Variants in GALNTL6 observed in about 807,000 individuals in gnomAD.
GALNTL6 encodes polypeptide N-acetylgalactosaminyltransferase like 6, also known as polypeptide N-acetylgalactosaminyltransferase-like 6.
A neutral mutation model predicts 73.7 loss-of-function variants in GALNTL6; 46 were observed. The observed-to-expected ratio is 0.62, with a 90% CI of 0.49 to 0.80. GALNTL6 has a LOEUF of 0.80. GALNTL6 is among the 30% of genes least tolerant of loss of function. GALNTL6 has a pLI of 0.00. For synonymous variants in GALNTL6, 259 were observed against 263.7 expected, an observed-to-expected ratio of 0.98 and a Z score of 0.17; for missense variants, 604 against 755.0, an observed-to-expected ratio of 0.80 and a Z score of 2.34.
intron 3 of GALNTL6, among the ~76,000 whole-genome samples, chr4:172,249,850 GT>G (rs1364590044): frequency 6.6e-6 from 1 of 152,216 alleles, no homozygotes; most frequent in African/African-American, 2.4e-5. Context: ...CCAGGCAGAA[GT>G]TTGCAGCATG....
At chr4:172,385,827 T>C (rs1743445971) in intron 5 of GALNTL6, among the ~76,000 whole-genome samples, 1 of 152,000 alleles carries the variant, frequency 6.6e-6, no homozygotes, top group Non-Finnish European at 1.5e-5. Flanking sequence ...TTCTTTGTTC[T>C]TCTATTCTTC....
chr4:172,177,813 G>GTGTGTGTATATATACACACACATATA (rs1735086041), intron 2 of GALNTL6, among the ~76,000 whole-genome samples: 1 of 121,038 alleles, frequency 8.3e-6, no homozygotes, highest in East Asian at 2.2e-4. Context: ...ACACATATAT[G>GTGTGTGTATATATACACACACATATA]TGTGTGTATA....
intron 5 of GALNTL6, among the ~76,000 whole-genome samples, chr4:172,484,491 C>T (rs1444844576): frequency 6.6e-6 from 1 of 150,832 alleles, no homozygotes; most frequent in Non-Finnish European, 1.5e-5. Flanking sequence ...CTGTTGATTC[C>T]GACTGAAAGC....
At chr4:172,109,013 CAAAAAAAAAAAA>C (rs202017302) in intron 2 of GALNTL6, among the ~76,000 whole-genome samples, 4 of 108,294 alleles carry the variant, frequency 3.7e-5, no homozygotes, top group Admixed American at 2.2e-4. Context: ...ACTCCATCTC[CAAAAAAAAAAAA>C]AAAAAAAAAA....
intron 2 of GALNTL6, among the ~76,000 whole-genome samples, chr4:172,218,555 T>C (rs1736569688): frequency 6.6e-6 from 1 of 152,080 alleles, no homozygotes; most frequent in African/African-American, 2.4e-5. Flanking sequence ...GAGACCTTGG[T>C]TGGGACTCTC....
intron 7 of GALNTL6, among the ~76,000 whole-genome samples, chr4:172,882,394 C>G (rs1745502110): frequency 6.6e-6 from 1 of 152,096 alleles, no homozygotes; most frequent in South Asian, 2.1e-4. Context: ...ATTTTCAATA[C>G]TTTTATATGT....
chr4:172,878,773 T>C (rs1226568815), intron 7 of GALNTL6, among the ~76,000 whole-genome samples: 1 of 151,754 alleles, frequency 6.6e-6, no homozygotes, highest in Non-Finnish European at 1.5e-5. Context: ...GATTTCAACC[T>C]AAACACATGA....
intron 5 of GALNTL6, among the ~76,000 whole-genome samples, chr4:172,425,946 A>G (rs1042033768): frequency 2.0e-5 from 3 of 152,128 alleles, no homozygotes; most frequent in African/African-American, 7.2e-5. Flanking sequence ...ATTTGAAAAT[A>G]AAGTAGCATG....
chr4:172,341,830 G>C (rs1158407844), intron 4 of GALNTL6, among the ~76,000 whole-genome samples: 1 of 152,132 alleles, frequency 6.6e-6, no homozygotes, highest in Non-Finnish European at 1.5e-5. Flanking sequence ...TCTCGGGTAT[G>C]TCTTTATCAG....
At chr4:172,102,986 A>G (rs1732562891) in intron 2 of GALNTL6, among the ~76,000 whole-genome samples, 1 of 152,200 alleles carries the variant, frequency 6.6e-6, no homozygotes, top group Admixed American at 6.5e-5. Context: ...TCAGCAGAGG[A>G]ACCTGAAGAA....
intron 3 of GALNTL6, among the ~76,000 whole-genome samples, chr4:172,286,147 A>G (rs2111089315): frequency 6.6e-6 from 1 of 152,316 alleles, no homozygotes; most frequent in Admixed American, 6.5e-5. Context: ...ACGTAGTATT[A>G]TTCTAACTAG....
At chr4:172,618,737 T>G (rs965477307) in intron 5 of GALNTL6, among the ~76,000 whole-genome samples, 2 of 152,148 alleles carry the variant, frequency 1.3e-5, no homozygotes, top group Non-Finnish European at 2.9e-5. Flanking sequence ...TTTTGTTTCT[T>G]TTTTTGAGAG....
rs1160540586 is a variant in GALNTL6 at position 172,069,928 on chromosome 4, G to C, written c.139-159728G>C. 1.9e-5 allele frequency among the ~76,000 whole-genome samples: 2 copies of C among 107,854 alleles called. 1 individual carries two copies. Among genetic ancestry groups the C allele is most frequent in the Non-Finnish European group, 4.1e-5 (2 of 49,056 alleles). The allele number at this position is 107,854 out of a possible 152,430, so 70.8% of individuals were successfully genotyped here. A position where few individuals can be genotyped will look rare whatever the true frequency, so the allele number is the denominator to read the frequency against. On this transcript the variant is annotated intron_variant, in intron 2 of 12. Transcript: ENST00000506823. ...ATTTATATTCATTATGTGATGCTAA[G>C]CCTTATGAAGAAAATCAGCTGGGTA...
chr4:172,919,427 A>C (rs969709822), intron 8 of GALNTL6, among the ~76,000 whole-genome samples: 1 of 152,102 alleles, frequency 6.6e-6, no homozygotes, highest in Non-Finnish European at 1.5e-5. Flanking sequence ...ACCACCAGAG[A>C]GGTAGTTCCA....
chr4:172,140,635 G>T (rs188938940), intron 2 of GALNTL6, among the ~76,000 whole-genome samples: 13 of 152,102 alleles, frequency 8.5e-5, no homozygotes, highest in Non-Finnish European at 1.6e-4. Context: ...CAGGAACGCT[G>T]TCTCCAGAAA....
At chr4:172,928,275 T>A (rs1453737402) in intron 8 of GALNTL6, among the ~76,000 whole-genome samples, 1 of 152,196 alleles carries the variant, frequency 6.6e-6, no homozygotes, top group Non-Finnish European at 1.5e-5. Flanking sequence ...GACACTGAAG[T>A]TAGACTACTA....
At chr4:172,436,985 A>G (rs913094813) in intron 5 of GALNTL6, among the ~76,000 whole-genome samples, 8 of 152,106 alleles carry the variant, frequency 5.3e-5, no homozygotes, top group African/African-American at 1.9e-4. Flanking sequence ...TCCATACGGT[A>G]AACTACCCCA....
At chr4:172,606,042 A>G (rs1371282391) in intron 5 of GALNTL6, among the ~76,000 whole-genome samples, 1 of 152,070 alleles carries the variant, frequency 6.6e-6, no homozygotes, top group Non-Finnish European at 1.5e-5. Context: ...AGTCCTAGCC[A>G]AGACCCTGTG....
chr4:172,098,104 A>G (rs1464365579), intron 2 of GALNTL6, among the ~76,000 whole-genome samples: 1 of 152,132 alleles, frequency 6.6e-6, no homozygotes, highest in African/African-American at 2.4e-5. Flanking sequence ...CAAAACTATA[A>G]AAATTAAAGC....
Sources: gnomAD v4.1 joint callset for allele counts (sites outside exome capture counted in the v4.1 genomes callset) on GRCh38, gnomAD v4.1.1 for gene constraint, MANE v1.5 for transcripts, NCBI Gene and HGNC (gene_info 2026-07-23, HGNC 2026-07-21) for gene names.